The following DSCAML1 variants were observed in gnomAD, a reference collection of about 807,000 sequenced individuals.
DSCAML1 encodes the protein DS cell adhesion molecule like 1.
A neutral mutation model predicts 200.5 loss-of-function variants in DSCAML1; 38 were observed. That is an observed-to-expected ratio of 0.19 (90% CI 0.15 to 0.25). DSCAML1 has a LOEUF of 0.25. Among genes scored for constraint, DSCAML1 ranks in the 10% least tolerant of loss-of-function variants. The probability of loss-of-function intolerance (pLI) is 1.00; values close to 1 mark genes in which losing one functional copy is unlikely to be tolerated. For synonymous variants in DSCAML1, 1,215 were observed against 1,165.0 expected (o/e 1.04, Z -0.87); for missense variants, 2,223 against 2,858.8 (o/e 0.78, Z 5.07).
At chr11:117,486,537 G>T (rs1027493186) in intron 11 of DSCAML1, among the ~76,000 whole-genome samples, 7 of 152,230 alleles carry the variant, frequency 4.6e-5, no homozygotes, top group Non-Finnish European at 8.8e-5. Context: ...CAGAGACCTG[G>T]TGCAGTAAGA....
At chr11:117,592,522 C>T (rs978374871) in intron 3 of DSCAML1, among the ~76,000 whole-genome samples, 1 of 152,118 alleles carries the variant, frequency 6.6e-6, no homozygotes, top group Non-Finnish European at 1.5e-5. Context: ...CTGCTAAAGG[C>T]CCCATAACCC....
intron 3 of DSCAML1, among the ~76,000 whole-genome samples, chr11:117,682,219 C>A (rs1411077281): frequency 1.3e-5 from 2 of 152,166 alleles, no homozygotes; most frequent in Non-Finnish European, 2.9e-5. Context: ...ACGTGAGATG[C>A]AGCTCATCTT....
Position 117,489,615 on chromosome 11 carries a change from T to C in DSCAML1, c.2360-7453A>G, listed in dbSNP as rs1173083464. Among the ~76,000 whole-genome samples, 6 of 152,108 alleles carry C rather than the reference T, an allele frequency of 3.9e-5. No homozygotes were observed. The highest frequency in any genetic ancestry group is 7.4e-5 in the Non-Finnish European group (5 of 68,002). On this transcript the variant is annotated intron_variant, in intron 11 of 32. Transcript: ENST00000651296. This position sits in a 1 kb window ranked among gnomAD's most constrained non-coding sequence, Gnocchi z 4.8. Reference sequence around the variant, plus strand: ...TGAGACCCTGGGGGAGTGAAGACCCTGGTGTGAAGACGGCCCATTTCATTC... The same window carrying C: ...TGAGACCCTGGGGGAGTGAAGACCCCGGTGTGAAGACGGCCCATTTCATTC...
At chr11:117,535,783 C>A (rs2050157126) in intron 3 of DSCAML1, among the ~76,000 whole-genome samples, 1 of 151,788 alleles carries the variant, frequency 6.6e-6, no homozygotes, top group Non-Finnish European at 1.5e-5. Flanking sequence ...ACACAGAAAT[C>A]AATGCTCACA....
At chr11:117,452,115 G>A (rs1005871388) in intron 19 of DSCAML1, among the ~76,000 whole-genome samples, 3 of 152,176 alleles carry the variant, frequency 2.0e-5, no homozygotes, top group Non-Finnish European at 2.9e-5. Flanking sequence ...GGGTAAACGA[G>A]TCCATGGATG....
At chr11:117,711,527 T>C (rs1388191411) in intron 3 of DSCAML1, among the ~76,000 whole-genome samples, 1 of 152,164 alleles carries the variant, frequency 6.6e-6, no homozygotes, top group African/African-American at 2.4e-5. Flanking sequence ...GAACCAGGCT[T>C]AGGAGTTGGC....
rs547877461 is a variant in DSCAML1, at chr11:117,700,205, A to T, written c.511+76586T>A. Among the ~76,000 whole-genome samples the T allele has an allele frequency of 3.3e-5, 5 of 152,322 alleles. 1 individual carries two copies. In the South Asian group the frequency reaches 1.0e-3, roughly 32 times the overall value. ...AGAATGAATGAGTTTATTCATCATA[A>T]CAGTGCTCTACAATGTTCCTAAATC... On this transcript the variant is annotated intron_variant, in intron 3 of 32. Transcript: ENST00000651296.
Position 117,437,221 on chromosome 11 carries a change from G to A in DSCAML1, c.4621C>T (p.Leu1541=). ...NSSGEVFLTE[L]REATWYELRM... is the part of the protein sequence containing the mutation. Reference sequence around the variant, plus strand: ...AGCTCGTACCACGTGGCCTCTCGCAGTTCCGTCAGAAACACCTCCCCGGAG... The same window carrying A: ...AGCTCGTACCACGTGGCCTCTCGCAATTCCGTCAGAAACACCTCCCCGGAG... Residue 1541 remains leucine (L), a synonymous_variant, in exon 26 of 33, where the codon CTG becomes TTG. Transcript: ENST00000651296. This position sits in a 1 kb window ranked among gnomAD's most constrained non-coding sequence, Gnocchi z 5.3. 1 of 1,614,198 alleles carries A rather than the reference G, an allele frequency of 6.2e-7. No individual in the cohort carries two copies. The highest frequency in any genetic ancestry group is 8.5e-7 in the Non-Finnish European group (1 of 1,180,052).
At chr11:117,804,291 C>T (rs941317831) in intron 1 of DSCAML1, among the ~76,000 whole-genome samples, 3 of 152,190 alleles carry the variant, frequency 2.0e-5, no homozygotes, top group Admixed American at 1.3e-4. Flanking sequence ...TCACCTGGCC[C>T]CATCTCATAC....
intron 11 of DSCAML1, among the ~76,000 whole-genome samples, chr11:117,494,340 T>C (rs1055252464): frequency 6.6e-6 from 1 of 152,230 alleles, no homozygotes; most frequent in Non-Finnish European, 1.5e-5. Flanking sequence ...AGAACGGGTG[T>C]GGCTGGCTTC....
intron 3 of DSCAML1, among the ~76,000 whole-genome samples, chr11:117,601,454 T>G (rs1421477345): frequency 6.6e-6 from 1 of 152,120 alleles, no homozygotes; most frequent in Admixed American, 6.5e-5. Flanking sequence ...CAGCCTACAT[T>G]TAGTGAGAAT....
Position 117,622,433 on chromosome 11 carries a change from G to C in DSCAML1, c.512-89911C>G, listed in dbSNP as rs574867806. The stretch of plus-strand genomic sequence containing the variant: ...ATGGCACAGAGTTAGGCTGGAGCTG[G>C]CTGGCAATGGTGGTGAGCCTATAAA... On this transcript the variant is annotated intron_variant, in intron 3 of 32. Coordinates refer to ENST00000651296, the MANE Select transcript of DSCAML1 (RefSeq NM_020693.4). Among the ~76,000 whole-genome samples, 4 of 152,240 alleles carry C rather than the reference G, an allele frequency of 2.6e-5. No homozygotes were observed. The East Asian group carries it at 5.8e-4, about 22-fold the overall frequency.
chr11:117,722,462 G>A (rs1375168678), intron 3 of DSCAML1, among the ~76,000 whole-genome samples: 2 of 152,136 alleles, frequency 1.3e-5, no homozygotes, highest in African/African-American at 2.4e-5. Context: ...GTGCGCTAAA[G>A]CTCTGTAAGG....
chr11:117,659,784 T>A (rs1284141076), intron 3 of DSCAML1, among the ~76,000 whole-genome samples: 1 of 151,978 alleles, frequency 6.6e-6, no homozygotes. Flanking sequence ...AGTGGTGCAG[T>A]CTCAGCTCAC....
intron 3 of DSCAML1, among the ~76,000 whole-genome samples, chr11:117,672,105 A>G (rs1029183175): frequency 4.6e-4 from 11 of 24,014 alleles, no homozygotes; most frequent in East Asian, 6.3e-3. Flanking sequence ...CAGCTCAGAA[A>G]AAAAAAAAAA....
chr11:117,516,743 G>A lies in DSCAML1; in HGVS notation c.1511-4C>T. On this transcript the variant is annotated splice_polypyrimidine_tract_variant and splice_region_variant and intron_variant, in intron 7 of 32. Transcript: ENST00000651296. The surrounding 1 kb of genome is among the most constrained non-coding windows in gnomAD (Gnocchi z 5.7). ...ATAGCCCGGATGCTGGGTGGGCCTG[G>A]GCAGGAGTCAGAAGAGAGGAGGAGG... The A allele has an allele frequency of 6.2e-7, 1 of 1,610,716 alleles. No homozygotes were observed. The highest frequency in any genetic ancestry group is 8.5e-7 in the Non-Finnish European group (1 of 1,178,110).
intron 3 of DSCAML1, among the ~76,000 whole-genome samples, chr11:117,618,956 G>T (rs181489201): frequency 7.0e-4 from 106 of 152,236 alleles, no homozygotes; most frequent in African/African-American, 2.3e-3. Flanking sequence ...TGCAGAAGGC[G>T]AGCTCCTTTG....
At chr11:117,447,197 A>G (rs2048197400) in intron 20 of DSCAML1, among the ~76,000 whole-genome samples, 1 of 152,210 alleles carries the variant, frequency 6.6e-6, no homozygotes, top group Non-Finnish European at 1.5e-5. Flanking sequence ...CTGAGGCAGG[A>G]GAATCACTTG....
Position 117,609,943 on chromosome 11 carries a change from C to A in DSCAML1, c.512-77421G>T, listed in dbSNP as rs150706215. On this transcript the variant is annotated intron_variant, in intron 3 of 32. Transcript: ENST00000651296. The stretch of plus-strand genomic sequence containing the variant: ...AACCGAGAGGGTCTGCAGAACTGGC[C>A]TTGCCCCTGTGCTCCTCAGAACCTA... 4.6e-5 allele frequency among the ~76,000 whole-genome samples: 7 copies of A among 152,234 alleles called. No individual in the cohort carries two copies. The East Asian group carries it at 1.4e-3, about 29-fold the overall frequency.
Sources: allele counts gnomAD v4.1 joint callset (sites outside exome capture counted in the v4.1 genomes callset), GRCh38; gene constraint gnomAD v4.1.1; non-coding constraint Gnocchi (gnomAD v3.1); transcripts MANE v1.5; gene names NCBI Gene and HGNC (gene_info 2026-07-23, HGNC 2026-07-21).